Variants in ANK2 observed in about 807,000 individuals in gnomAD.
The protein encoded by ANK2 is ankyrin-2.
Under a neutral mutation model 360.5 loss-of-function variants are expected in ANK2, and 83 were observed. The ratio of observed to expected loss-of-function variants is 0.23; its 90% CI spans 0.19 to 0.28. The LOEUF (loss-of-function observed/expected upper bound fraction) is 0.28. ANK2 is among the 10% of genes least tolerant of loss of function. The probability of loss-of-function intolerance (pLI) is 1.00; values close to 1 mark genes in which losing one functional copy is unlikely to be tolerated. For synonymous variants in ANK2, 1,740 were observed against 1,759.5 expected (o/e 0.99, Z 0.28); for missense variants, 4,201 against 4,795.7 (o/e 0.88, Z 3.66).
chr4:112,866,728 G>A (rs1197292925), intron 1 of ANK2, among the ~76,000 whole-genome samples: 1 of 151,988 alleles, frequency 6.6e-6, no homozygotes, highest in South Asian at 2.1e-4. Flanking sequence ...TGCTACTGAT[G>A]TGAATTTTAA....
At chr4:112,790,812 CA>C in the ANK2 span, among the ~76,000 whole-genome samples, 2 of 152,036 alleles carry the variant, frequency 1.3e-5, no homozygotes. Context: ...TAAGGGGCTT[CA>C]AAGGTGGGGA....
intron 1 of ANK2, among the ~76,000 whole-genome samples, chr4:112,899,039 T>C (rs1386540080): frequency 6.6e-6 from 1 of 152,184 alleles, no homozygotes; most frequent in African/African-American, 2.4e-5. Context: ...AGGCATTACC[T>C]AAGCCTTGTG....
intron 4 of ANK2, among the ~76,000 whole-genome samples, chr4:113,211,274 A>G (rs2099017968): frequency 6.6e-6 from 1 of 152,214 alleles, no homozygotes; most frequent in Admixed American, 6.5e-5. Flanking sequence ...TCTTGTTCAT[A>G]ACTCACTAAC....
chr4:112,983,775 A>C (rs1324454992), intron 2 of ANK2, among the ~76,000 whole-genome samples: 1 of 152,194 alleles, frequency 6.6e-6, no homozygotes, highest in Non-Finnish European at 1.5e-5. Flanking sequence ...GATGAATAAA[A>C]TAGAAGGTAG....
intron 1 of ANK2, among the ~76,000 whole-genome samples, chr4:113,063,825 A>G (rs542919629): frequency 6.6e-6 from 1 of 152,242 alleles, no homozygotes; most frequent in South Asian, 2.1e-4. Context: ...CTTTGTTTAA[A>G]TTCTTGCTAA....
intron 1 of ANK2, among the ~76,000 whole-genome samples, chr4:113,062,915 CT>C (rs2074135851): frequency 6.6e-6 from 1 of 151,972 alleles, no homozygotes; most frequent in Non-Finnish European, 1.5e-5. Flanking sequence ...ATTATTTTCC[CT>C]GGGCCTATCA....
rs532454242 is a variant in ANK2, at chr4:113,237,922, G to C, written c.693+300G>C. Among the ~76,000 whole-genome samples, 6 of 152,246 alleles carry C rather than the reference G, an allele frequency of 3.9e-5. 1 individual carries two copies. The South Asian group carries it at 1.2e-3, about 32-fold the overall frequency. On this transcript the variant is annotated intron_variant, in intron 7 of 45. Coordinates refer to ENST00000357077, the MANE Select transcript of ANK2 (RefSeq NM_001148.6). ...TTTACTATTAACTTATTGTCAAGAA[G>C]AGATATGATTTTATTTCCTTAATGA...
chr4:112,732,351 T>C, the ANK2 span, among the ~76,000 whole-genome samples: 1 of 77,900 alleles, frequency 1.3e-5, no homozygotes, highest in Non-Finnish European at 2.4e-5. Context: ...CTCAAACTAC[T>C]GGGCCCAACC....
intron 2 of ANK2, among the ~76,000 whole-genome samples, chr4:112,910,215 C>G (rs2086646744): frequency 6.6e-6 from 1 of 152,176 alleles, no homozygotes; most frequent in Non-Finnish European, 1.5e-5. Flanking sequence ...CCCTCCTCAG[C>G]GTGAATCTGG....
intron 1 of ANK2, among the ~76,000 whole-genome samples, chr4:113,054,679 T>A (rs1006668061): frequency 6.6e-6 from 1 of 152,192 alleles, no homozygotes; most frequent in African/African-American, 2.4e-5. Context: ...TTGCCCTTTA[T>A]AAAATACCAA....
At chr4:113,262,730 A>G (rs1315979790) in intron 13 of ANK2, among the ~76,000 whole-genome samples, 1 of 150,478 alleles carries the variant, frequency 6.6e-6, no homozygotes, top group Non-Finnish European at 1.5e-5. Flanking sequence ...TAGGTATTAT[A>G]AGTAATATAG....
chr4:112,724,372 T>C, the ANK2 span, among the ~76,000 whole-genome samples: 2 of 151,972 alleles, frequency 1.3e-5, no homozygotes, highest in Admixed American at 1.3e-4. Flanking sequence ...GCCAGAAAAA[T>C]CTTGAAAATG....
intron 2 of ANK2, among the ~76,000 whole-genome samples, chr4:112,912,466 G>T (rs1356504061): frequency 6.6e-6 from 1 of 151,826 alleles, no homozygotes; most frequent in Non-Finnish European, 1.5e-5. Flanking sequence ...TAATCTAGTT[G>T]CCATTTTTTG....
At chr4:113,175,724 C>T (rs2098170016) in intron 2 of ANK2, among the ~76,000 whole-genome samples, 1 of 152,162 alleles carries the variant, frequency 6.6e-6, no homozygotes, top group Non-Finnish European at 1.5e-5. Flanking sequence ...CTACCAATTC[C>T]CAGATCAGTG....
At chr4:112,862,038 C>T (rs1228098298) in intron 1 of ANK2, among the ~76,000 whole-genome samples, 1 of 152,192 alleles carries the variant, frequency 6.6e-6, no homozygotes, top group Non-Finnish European at 1.5e-5. Context: ...AGTTCTTCAA[C>T]TTCTCTGCCT....
chr4:113,079,958 G>A (rs1394590872), intron 1 of ANK2, among the ~76,000 whole-genome samples: 1 of 150,262 alleles, frequency 6.7e-6, no homozygotes, highest in Non-Finnish European at 1.5e-5. Flanking sequence ...GAGTGTGGTG[G>A]TGCGATCTCA....
At chr4:113,132,228 G>A (rs1156391281) in intron 1 of ANK2, among the ~76,000 whole-genome samples, 1 of 152,086 alleles carries the variant, frequency 6.6e-6, no homozygotes, top group Non-Finnish European at 1.5e-5. Flanking sequence ...ATGCACATAT[G>A]TATATATGTG....
At chr4:112,788,546 C>T in the ANK2 span, 1 of 1,585,670 alleles carries the variant, frequency 6.3e-7, no homozygotes, top group East Asian at 2.2e-5. Flanking sequence ...GGCCAACAGC[C>T]TTCTTCTCTT....
intron 4 of ANK2, among the ~76,000 whole-genome samples, chr4:113,209,576 T>A (rs1263524990): frequency 1.3e-5 from 2 of 151,912 alleles, no homozygotes; most frequent in African/African-American, 2.4e-5. Context: ...GAAAGGAAGG[T>A]GTTTATTGGC....
Sources: gnomAD v4.1 joint callset for allele counts (sites outside exome capture counted in the v4.1 genomes callset) on GRCh38, gnomAD v4.1.1 for gene constraint, MANE v1.5 for transcripts, NCBI Gene and HGNC (gene_info 2026-07-23, HGNC 2026-07-21) for gene names.